Variants in FUT8 observed in about 807,000 individuals in gnomAD.
FUT8 encodes the protein alpha-(1,6)-fucosyltransferase.
In FUT8, 29 loss-of-function variants were observed where a neutral mutation model predicts 71.3. The observed-to-expected ratio is 0.41, with a 90% CI of 0.30 to 0.55. The LOEUF (loss-of-function observed/expected upper bound fraction) is 0.55, where lower values mean the gene tolerates loss of function less well. Among genes scored for constraint, FUT8 ranks in the 20% least tolerant of loss-of-function variants. The probability of loss-of-function intolerance (pLI) is 0.34; values close to 1 mark genes in which losing one functional copy is unlikely to be tolerated. For synonymous variants in FUT8, 254 were observed against 239.3 expected (o/e 1.06, Z -0.57); for missense variants, 544 against 702.1 (o/e 0.77, Z 2.55).
the FUT8 span, among the ~76,000 whole-genome samples, chr14:65,369,466 G>C: frequency 6.6e-6 from 1 of 152,142 alleles, no homozygotes. This position sits in a 1 kb window ranked among gnomAD's most constrained non-coding sequence, Gnocchi z 4.6. Flanking sequence ...ATTCCTAGAA[G>C]GTTAGGCATT....
chr14:65,447,287 C>G (rs1446872437), intron 1 of FUT8, among the ~76,000 whole-genome samples: 1 of 141,414 alleles, frequency 7.1e-6, no homozygotes, highest in East Asian at 2.1e-4. Context: ...GAATGAGACT[C>G]TCTCAAAAAA....
chr14:65,432,289 C>T (rs1468145694), intron 1 of FUT8, among the ~76,000 whole-genome samples: 2 of 152,126 alleles, frequency 1.3e-5, no homozygotes, highest in Admixed American at 6.5e-5. Context: ...AGTTCCTGAA[C>T]GTCAGTTTCC....
At chr14:65,601,797 A>G (rs1240371644) in intron 3 of FUT8, among the ~76,000 whole-genome samples, 1 of 152,176 alleles carries the variant, frequency 6.6e-6, no homozygotes, top group African/African-American at 2.4e-5. Context: ...TAATTTTATT[A>G]ACGCGTTTCT....
intron 7 of FUT8, among the ~76,000 whole-genome samples, chr14:65,703,426 A>AT (rs777414359): frequency 2.0e-4 from 31 of 152,266 alleles, no homozygotes; most frequent in Non-Finnish European, 2.6e-4. Context: ...AAATATAGCC[A>AT]TTTTTTTGAG....
At chr14:65,634,686 C>T (rs1890449356) in intron 6 of FUT8, among the ~76,000 whole-genome samples, 1 of 151,488 alleles carries the variant, frequency 6.6e-6, no homozygotes, top group Admixed American at 6.6e-5. Context: ...TTGCATTGGT[C>T]TATGTGCCTA....
the FUT8 span, among the ~76,000 whole-genome samples, chr14:65,375,850 G>A: frequency 3.4e-5 from 3 of 87,806 alleles, no homozygotes; most frequent in African/African-American, 1.0e-4. Context: ...CAGCACTTTG[G>A]GAGGCCAAGG....
rs754378193 is a variant in FUT8 at position 65,449,993 on chromosome 14, T to TA, written c.-325-5627dup. On this transcript the variant is annotated intron_variant, in intron 1 of 10. Coordinates refer to ENST00000673929, the MANE Select transcript of FUT8 (RefSeq NM_001371533.1). The stretch of plus-strand genomic sequence containing the variant: ...TAAAAATGACCAATTTCACCACTGA[T>TA]AGAGTTAATTTTTGTCATCTGTTAA... Among the ~76,000 whole-genome samples, 58 of 152,260 alleles carry TA rather than the reference T, an allele frequency of 3.8e-4. 1 individual carries two copies. The highest frequency in any genetic ancestry group is 6.2e-4 in the South Asian group (3 of 4,832).
chr14:65,562,303 C>G (rs1566823706), intron 3 of FUT8, among the ~76,000 whole-genome samples: 2 of 151,968 alleles, frequency 1.3e-5, no homozygotes, highest in Admixed American at 6.6e-5. Context: ...TTTATATGAA[C>G]TGTAACAAAG....
At chr14:65,545,026 C>G (rs1465040967) in intron 2 of FUT8, among the ~76,000 whole-genome samples, 3 of 151,594 alleles carry the variant, frequency 2.0e-5, no homozygotes, top group Non-Finnish European at 4.4e-5. Flanking sequence ...TCCCCCACCT[C>G]TCTTTTTCGT....
At chr14:65,674,285 G>A (rs1177116484) in intron 7 of FUT8, among the ~76,000 whole-genome samples, 1 of 152,086 alleles carries the variant, frequency 6.6e-6, no homozygotes. Flanking sequence ...CTGAGGGAGA[G>A]GAAGGATATT....
intron 5 of FUT8, among the ~76,000 whole-genome samples, chr14:65,619,896 T>G (rs912380253): frequency 6.6e-6 from 1 of 152,188 alleles, no homozygotes; most frequent in Non-Finnish European, 1.5e-5. Flanking sequence ...TTAGAGTTAG[T>G]ATTTTTGCCA....
chr14:65,562,775 T>C (rs751521584), intron 3 of FUT8, among the ~76,000 whole-genome samples: 1 of 152,030 alleles, frequency 6.6e-6, no homozygotes, highest in Non-Finnish European at 1.5e-5. Flanking sequence ...AACATCCAAT[T>C]GTACAGAAAG....
the FUT8 span, among the ~76,000 whole-genome samples, chr14:65,382,284 G>T: frequency 2.0e-5 from 3 of 152,202 alleles, no homozygotes; most frequent in African/African-American, 7.2e-5. Flanking sequence ...AATTATCTAG[G>T]GAGCTCTTTG....
At chr14:65,534,549 C>CT (rs71126760) in intron 2 of FUT8, among the ~76,000 whole-genome samples, 52,699 of 122,138 alleles carry the variant, frequency 0.43, 11,617 homozygotes, top group Non-Finnish European at 0.54. Context: ...GGCTGTTTTT[C>CT]TTTTTTTTTT....
At chr14:65,727,696 G>A (rs952442304) in intron 9 of FUT8, among the ~76,000 whole-genome samples, 5 of 152,124 alleles carry the variant, frequency 3.3e-5, no homozygotes, top group East Asian at 1.9e-4. Context: ...ATTAACACTC[G>A]GCTCCTCATG....
chr14:65,739,627 A>G (rs1433480379), intron 10 of FUT8, among the ~76,000 whole-genome samples: 1 of 152,048 alleles, frequency 6.6e-6, no homozygotes, highest in Non-Finnish European at 1.5e-5. Context: ...ATTCCTGGCT[A>G]GGGATGACTG....
intron 3 of FUT8, among the ~76,000 whole-genome samples, chr14:65,614,254 A>G (rs1337157376): frequency 1.3e-5 from 2 of 152,246 alleles, no homozygotes; most frequent in African/African-American, 4.8e-5. Context: ...CTCTAAAATG[A>G]CAAAGCTCAG....
At chr14:65,656,071 A>G (rs1026345277) in intron 6 of FUT8, among the ~76,000 whole-genome samples, 1 of 152,160 alleles carries the variant, frequency 6.6e-6, no homozygotes, top group Non-Finnish European at 1.5e-5. Flanking sequence ...CACTTTCACC[A>G]CTGTTATTCA....
chr14:65,707,683 A>G (rs1894617932), intron 7 of FUT8, among the ~76,000 whole-genome samples: 1 of 152,158 alleles, frequency 6.6e-6, no homozygotes, highest in African/African-American at 2.4e-5. Context: ...GTTCAGTTTC[A>G]TTCCTCTGCA....
Sources: allele counts gnomAD v4.1 joint callset (sites outside exome capture counted in the v4.1 genomes callset), GRCh38; gene constraint gnomAD v4.1.1; non-coding constraint Gnocchi (gnomAD v3.1); transcripts MANE v1.5; gene names NCBI Gene and HGNC (gene_info 2026-07-23, HGNC 2026-07-21).